The following PLEKHA4 variants were observed in gnomAD, a reference collection of about 807,000 sequenced individuals.
The protein encoded by PLEKHA4 is pleckstrin homology domain-containing family A member 4.
In PLEKHA4, 73 loss-of-function variants were observed where a neutral mutation model predicts 94.7. The ratio of observed to expected loss-of-function variants is 0.77; its 90% confidence interval spans 0.64 to 0.94. The LOEUF is 0.94. Ranked by LOEUF, PLEKHA4 falls within the 40% of genes least tolerant of loss-of-function variation. The probability of loss-of-function intolerance (pLI) is 0.00; values close to 1 mark genes in which losing one functional copy is unlikely to be tolerated. For synonymous variants in PLEKHA4, 449 were observed against 437.1 expected, an observed-to-expected ratio of 1.03 and a Z score of -0.34; for missense variants, 1,049 against 1,054.1, an observed-to-expected ratio of 1.00 and a Z score of 0.07.
chr19:48,851,684 G>A (rs376835086), intron 13 of PLEKHA4, among the ~76,000 whole-genome samples: 123 of 151,888 alleles, frequency 8.1e-4, no homozygotes, highest in African/African-American at 2.8e-3. Context: ...GTCTGGCGCA[G>A]TGGCTCATGC....
Position 48,867,697 on chromosome 19 carries a change from T to C in PLEKHA4, c.-6-71A>G, listed in dbSNP as rs2036882117. On this transcript the variant is annotated intron_variant, in intron 1 of 19. Transcript: ENST00000263265. This position sits in a 1 kb window ranked among gnomAD's most constrained non-coding sequence, Gnocchi z 4.7. The stretch of plus-strand genomic sequence containing the variant: ...TGAGACAGAGATGGGGTCAGGGGCT[T>C]GGAGGTCGGAGGAGGCTGCAGAGAA... 11 of 1,415,900 alleles carry C rather than the reference T, an allele frequency of 7.8e-6. No individual in the cohort carries two copies. The South Asian group carries it at 8.7e-5, about 11-fold the overall frequency. 87.7% of individuals were successfully genotyped at this position (1,415,900 alleles called of 1,614,324 possible).
intron 16 of PLEKHA4, among the ~76,000 whole-genome samples, chr19:48,841,919 C>G (rs2035783059): frequency 1.3e-5 from 2 of 152,190 alleles, no homozygotes; most frequent in African/African-American, 4.8e-5. Flanking sequence ...GCACCTCACT[C>G]TGGGTGACAG....
chr19:48,852,335 G>A lies in PLEKHA4; in HGVS notation c.1327-9C>T. On this transcript the variant is annotated splice_polypyrimidine_tract_variant and intron_variant, in intron 12 of 19. Transcript: ENST00000263265. Reference sequence around the variant, plus strand: ...CAAACCCTCTCTCGCTCCTCAGGTTGCATAAAGGGGGAGACATAGGTTAGG... The same window carrying A: ...CAAACCCTCTCTCGCTCCTCAGGTTACATAAAGGGGGAGACATAGGTTAGG... 2 of 1,608,146 alleles carry A rather than the reference G, an allele frequency of 1.2e-6. No homozygotes were observed. Among genetic ancestry groups the A allele is most frequent in the Non-Finnish European group, 1.7e-6 (2 of 1,174,628 alleles).
Position 48,868,252 on chromosome 19 carries a change from GTC to G in PLEKHA4, c.-178_-177del, listed in dbSNP as rs144126157. 1,120 of 150,356 alleles carry G rather than the reference GTC, an allele frequency of 7.4e-3. 15 individuals are homozygous for G. The highest frequency in any genetic ancestry group is 0.025 in the African/African-American group (1,023 of 41,036). 9.3% of individuals were successfully genotyped at this position (150,356 alleles called of 1,614,324 possible). A position where few individuals can be genotyped will look rare whatever the true frequency, so the allele number is the denominator to read the frequency against. On this transcript the variant is annotated 5_prime_UTR_variant, in exon 1 of 20. Coordinates refer to ENST00000263265, the MANE Select transcript of PLEKHA4 (RefSeq NM_020904.3). ...GTCTCTTTGTCTCCTGTCTCTTACG[GTC>G]TCTCTCTCTCTCTCTTCCTTTTACA...
intron 16 of PLEKHA4, chr19:48,844,503 C>G: frequency 3.0e-6 from 3 of 985,212 alleles, no homozygotes; most frequent in Non-Finnish European, 3.6e-6. Context: ...CAACAGGTAC[C>G]CCAAAGACTT....
chr19:48,862,675 A>T (rs1432369368), intron 3 of PLEKHA4, among the ~76,000 whole-genome samples: 1 of 150,972 alleles, frequency 6.6e-6, no homozygotes, highest in African/African-American at 2.4e-5. Flanking sequence ...ACACCCGGCT[A>T]ATTTTGTTTT....
At chr19:48,858,350 G>A (rs151218274) in intron 8 of PLEKHA4, among the ~76,000 whole-genome samples, 18 of 152,200 alleles carry the variant, frequency 1.2e-4, no homozygotes, top group Middle Eastern at 3.4e-3. Flanking sequence ...GGCCAGGCGC[G>A]GTGGCTCACG....
intron 3 of PLEKHA4, among the ~76,000 whole-genome samples, chr19:48,862,520 G>GT (rs1352419832): frequency 2.1e-5 from 3 of 145,812 alleles, no homozygotes; most frequent in East Asian, 2.1e-4. Flanking sequence ...TTCTTTTTTT[G>GT]TTTTTTGAGA....
intron 9 of PLEKHA4, among the ~76,000 whole-genome samples, chr19:48,855,529 G>A (rs1599903781): frequency 6.6e-6 from 1 of 151,944 alleles, no homozygotes; most frequent in Non-Finnish European, 1.5e-5. Context: ...ACTTGAACCC[G>A]GGAGGCAGAG....
intron 9 of PLEKHA4, among the ~76,000 whole-genome samples, chr19:48,856,949 GA>G (rs1568548168): frequency 7.3e-4 from 103 of 141,126 alleles, no homozygotes; most frequent in African/African-American, 2.6e-3. Flanking sequence ...GAAAAAGAAA[GA>G]GAAAGAAAGA....
At chr19:48,839,054 T>C in intron 18 of PLEKHA4, 151 bp downstream of exon 18, 1 of 457,972 alleles carries the variant, frequency 2.2e-6, no homozygotes, top group East Asian at 3.3e-5. Context: ...GGCTTTCTGG[T>C]TTTGTTGCAG....
At chr19:48,850,881 G>A (rs867828695) in intron 13 of PLEKHA4, among the ~76,000 whole-genome samples, 9 of 149,336 alleles carry the variant, frequency 6.0e-5, no homozygotes, top group African/African-American at 2.0e-4. Context: ...GGCTCACACC[G>A]GTAATCCCAG....
In PLEKHA4 at chr19:48,837,366, C is replaced by T. The variant is rs779821593; in HGVS notation, c.2263G>A (p.Gly755Arg). 4 of 1,613,726 alleles carry T rather than the reference C, an allele frequency of 2.5e-6. No individual in the cohort carries two copies. The highest frequency in any genetic ancestry group is 3.3e-5 in the Admixed American group (2 of 60,000). The change falls in exon 20 of 20, where the codon GGG (glycine) becomes AGG (arginine). Residue 755 changes from glycine to arginine, a missense_variant. Physicochemically the swap from Gly to Arg is moderately radical, Grantham distance 125 (BLOSUM62 -2). Transcript: ENST00000263265. The surrounding 1 kb of genome is among the most constrained non-coding windows in gnomAD (Gnocchi z 4.3). ...PTPWGPAWDA[G>R]IAPPVLPQDE... ...TGTGGCAGGACCGGAGGGGCGATCC[C>T]GGCATCCCACGCGGGCCCCCAGGGG...
At chr19:48,845,474 G>A (rs2035932136) in intron 15 of PLEKHA4, 28 bp from the exon 16 acceptor site, 6 of 1,613,794 alleles carry the variant, frequency 3.7e-6, no homozygotes, top group Non-Finnish European at 5.1e-6. Context: ...GACTTGGTGA[G>A]GACGGGAATT....
intron 16 of PLEKHA4, among the ~76,000 whole-genome samples, chr19:48,842,141 T>G (rs889592241): frequency 7.2e-6 from 1 of 138,454 alleles, no homozygotes; most frequent in African/African-American, 3.3e-5. Context: ...TTAATTTATT[T>G]TCTTTTTTTT....
chr19:48,858,299 C>G lies in PLEKHA4; in HGVS notation c.972+561G>C, dbSNP rs376999652. On this transcript the variant is annotated intron_variant, in intron 8 of 19. Coordinates refer to ENST00000263265, the MANE Select transcript of PLEKHA4 (RefSeq NM_020904.3). The stretch of plus-strand genomic sequence containing the variant: ...ACCGCACTGTCTTGGCACAGAGTAT[C>G]CAGGACTACAATCCCCATGATGCTT... 1.5e-4 allele frequency among the ~76,000 whole-genome samples: 23 copies of G among 152,192 alleles called. 1 individual carries two copies. In the South Asian group the frequency reaches 2.3e-3, roughly 15 times the overall value.
chr19:48,841,144 C>G lies in PLEKHA4; in HGVS notation c.1905+5G>C. 6.2e-7 allele frequency: 1 copy of G among 1,605,830 alleles called. No individual in the cohort carries two copies. Among genetic ancestry groups the G allele is most frequent in the Non-Finnish European group, 8.5e-7 (1 of 1,176,350 alleles). ...ACCGCCCAGCCCCAGCCCTCCTCCCCTCACCCTTTGCTCCACGTCAGGCTG... is the reference window on the plus strand; with the variant it reads ...ACCGCCCAGCCCCAGCCCTCCTCCCGTCACCCTTTGCTCCACGTCAGGCTG... On this transcript the variant is annotated splice_donor_5th_base_variant and intron_variant, in intron 17 of 19. Coordinates refer to ENST00000263265, the MANE Select transcript of PLEKHA4 (RefSeq NM_020904.3).
intron 3 of PLEKHA4, among the ~76,000 whole-genome samples, chr19:48,864,631 G>A (rs1568556093): frequency 6.6e-6 from 1 of 152,124 alleles, no homozygotes; most frequent in Non-Finnish European, 1.5e-5. Context: ...CATGAACACA[G>A]TTCACTGCAG....
intron 2 of PLEKHA4, among the ~76,000 whole-genome samples, chr19:48,866,943 G>A (rs1345423561): frequency 6.6e-6 from 1 of 152,128 alleles, no homozygotes; most frequent in Admixed American, 6.6e-5. Context: ...AGATATCTCA[G>A]GCATCCTTAG....
Sources: allele counts gnomAD v4.1 joint callset (sites outside exome capture counted in the v4.1 genomes callset), GRCh38; gene constraint gnomAD v4.1.1; non-coding constraint Gnocchi (gnomAD v3.1); transcripts MANE v1.5; gene names NCBI Gene and HGNC (gene_info 2026-07-23, HGNC 2026-07-21).